Variants in SPATA7 observed in about 807,000 individuals in gnomAD.
The protein encoded by SPATA7 is spermatogenesis associated 7.
In SPATA7, 43 loss-of-function variants were observed where a neutral mutation model predicts 51.8. The ratio of observed to expected loss-of-function variants is 0.83; its 90% CI spans 0.65 to 1.07. The LOEUF (loss-of-function observed/expected upper bound fraction) is 1.07. Ranked by LOEUF, SPATA7 falls within the 50% of genes least tolerant of loss-of-function variation. The pLI is 0.00. For synonymous variants in SPATA7, 230 were observed against 252.8 expected (o/e 0.91, Z 0.86); for missense variants, 683 against 701.3 (o/e 0.97, Z 0.30).
intron 1 of SPATA7, among the ~76,000 whole-genome samples, chr14:88,390,275 A>G (rs1355615169): frequency 6.7e-6 from 1 of 150,132 alleles, no homozygotes; most frequent in Non-Finnish European, 1.5e-5. Flanking sequence ...TTTTTTGGCT[A>G]ATGTAAAGAA....
downstream of SPATA7, among the ~76,000 whole-genome samples, chr14:88,439,153 G>C (rs533460605): frequency 6.6e-6 from 1 of 152,302 alleles, no homozygotes; most frequent in South Asian, 2.1e-4. Flanking sequence ...ATGGGAAATG[G>C]TTTATGATCT....
At chr14:88,390,933 A>G (rs1173909937) in intron 1 of SPATA7, among the ~76,000 whole-genome samples, 3 of 152,182 alleles carry the variant, frequency 2.0e-5, no homozygotes, top group African/African-American at 7.2e-5. Flanking sequence ...GACCTGTGAC[A>G]TAGAAAGAGC....
chr14:88,411,133 C>T (rs557349980), intron 4 of SPATA7, among the ~76,000 whole-genome samples: 21 of 152,270 alleles, frequency 1.4e-4, no homozygotes, highest in South Asian at 4.1e-4. Context: ...TGGTGGGCTC[C>T]GCCCAGTCTG....
intron 4 of SPATA7, among the ~76,000 whole-genome samples, chr14:88,397,023 A>G (rs887407714): frequency 4.6e-5 from 7 of 151,974 alleles, no homozygotes; most frequent in Admixed American, 1.3e-4. Flanking sequence ...AGGTGGGACT[A>G]CAGGCGCAAG....
At chr14:88,405,670 C>T (rs1301040346) in intron 4 of SPATA7, among the ~76,000 whole-genome samples, 2 of 152,096 alleles carry the variant, frequency 1.3e-5, no homozygotes, top group African/African-American at 4.8e-5. Flanking sequence ...CTGAAGTGAG[C>T]AATACCATAG....
intron 5 of SPATA7, among the ~76,000 whole-genome samples, chr14:88,425,798 C>T (rs1278066396): frequency 1.3e-5 from 2 of 152,092 alleles, no homozygotes; most frequent in East Asian, 1.9e-4. Flanking sequence ...TCTTTAAAGG[C>T]TTAACATCAC....
chr14:88,433,315 G>A, intron 10 of SPATA7, 103 bp downstream of exon 10: 1 of 798,046 alleles, frequency 1.3e-6, no homozygotes, highest in Admixed American at 2.6e-5. Context: ...CCCATATTAG[G>A]AAATGAAAAA....
At chr14:88,444,416 T>G (rs548148270) in intron 3 of SPATA7, among the ~76,000 whole-genome samples, 4 of 151,668 alleles carry the variant, frequency 2.6e-5, no homozygotes, top group Admixed American at 6.5e-5. Flanking sequence ...TGTGAAAATT[T>G]TCTCCCATTT....
intron 1 of SPATA7, among the ~76,000 whole-genome samples, chr14:88,389,515 C>A (rs746447903): frequency 7.9e-5 from 12 of 152,102 alleles, no homozygotes; most frequent in Non-Finnish European, 1.6e-4. Context: ...CTAATTCTGT[C>A]ATTTTTAATA....
chr14:88,402,603 G>C (rs73321860), intron 4 of SPATA7, among the ~76,000 whole-genome samples: 1,622 of 152,224 alleles, frequency 0.011, 14 homozygotes, highest in African/African-American at 0.038. Context: ...GCAGAAGGAT[G>C]AAAATGGACT....
chr14:88,429,890 C>CTATTTATTTATTTATT (rs57390600), intron 8 of SPATA7, among the ~76,000 whole-genome samples: 5,756 of 143,498 alleles, frequency 0.04, 191 homozygotes, highest in African/African-American at 0.082. Context: ...TATGAAGACA[C>CTATTTATTTATTTATT]TATTTATTTA....
At chr14:88,389,772 G>A (rs17124608) in intron 1 of SPATA7, among the ~76,000 whole-genome samples, 5,360 of 152,156 alleles carry the variant, frequency 0.035, 306 homozygotes, top group African/African-American at 0.12. Flanking sequence ...CTAGGTTCCA[G>A]CCTTTTTTCA....
intron 4 of SPATA7, among the ~76,000 whole-genome samples, chr14:88,460,393 A>T (rs1217993593): frequency 7.0e-6 from 1 of 142,716 alleles, no homozygotes; most frequent in Non-Finnish European, 1.6e-5. Context: ...TATTTCTTGG[A>T]GGCTTTGTTC....
At chr14:88,463,454 G>A (rs930103518) in intron 4 of SPATA7, among the ~76,000 whole-genome samples, 5 of 152,124 alleles carry the variant, frequency 3.3e-5, no homozygotes, top group African/African-American at 7.2e-5. Flanking sequence ...GCCACTGCCC[G>A]ACAGGAGTAT....
chr14:88,455,025 C>T (rs911774210), intron 3 of SPATA7: 1 of 454,842 alleles, frequency 2.2e-6, no homozygotes, highest in Non-Finnish European at 4.4e-6. Flanking sequence ...ATATTTAGAT[C>T]TGGGTCAAGG....
intron 10 of SPATA7, among the ~76,000 whole-genome samples, chr14:88,434,491 C>T (rs1412667719): frequency 6.6e-6 from 1 of 152,022 alleles, no homozygotes; most frequent in Non-Finnish European, 1.5e-5. Flanking sequence ...TCAACACCAG[C>T]CTGGCCAATA....
intron 4 of SPATA7, among the ~76,000 whole-genome samples, chr14:88,464,379 G>A (rs1468307239): frequency 6.6e-6 from 1 of 152,092 alleles, no homozygotes; most frequent in African/African-American, 2.4e-5. Flanking sequence ...TGTTCCACAT[G>A]AAATCTTGCT....
downstream of SPATA7, among the ~76,000 whole-genome samples, chr14:88,441,116 T>G (rs1336620790): frequency 6.6e-6 from 1 of 152,172 alleles, no homozygotes; most frequent in Non-Finnish European, 1.5e-5. Flanking sequence ...CTTAGAATAA[T>G]GGTCTCCAAT....
At chr14:88,411,793 T>TA (rs2076348768) in intron 4 of SPATA7, among the ~76,000 whole-genome samples, 1 of 152,152 alleles carries the variant, frequency 6.6e-6, no homozygotes, top group Non-Finnish European at 1.5e-5. Context: ...TCTTTGCTAT[T>TA]GTGGATAGTG....
Sources: allele counts gnomAD v4.1 joint callset (sites outside exome capture counted in the v4.1 genomes callset), GRCh38; gene constraint gnomAD v4.1.1; transcripts MANE v1.5; gene names NCBI Gene and HGNC (gene_info 2026-07-23, HGNC 2026-07-21).